ATP8A2: variants seen among roughly 807,000 people sequenced by gnomAD.
ATP8A2 encodes phospholipid-transporting ATPase IB.
In ATP8A2, 100 loss-of-function variants were observed where a neutral mutation model predicts 165.6. That is an observed-to-expected ratio of 0.60 (90% CI 0.51 to 0.71). The LOEUF is 0.71. Ranked by LOEUF, ATP8A2 falls within the 30% of genes least tolerant of loss-of-function variation. The pLI is 0.00. For synonymous variants in ATP8A2, 543 were observed against 548.8 expected (o/e 0.99, Z 0.15); for missense variants, 1,227 against 1,479.5 (o/e 0.83, Z 2.80).
At chr13:25,430,469 G>A (rs1379174595) in intron 1 of ATP8A2, among the ~76,000 whole-genome samples, 6 of 152,262 alleles carry the variant, frequency 3.9e-5, no homozygotes, top group Middle Eastern at 6.8e-3. Context: ...CATTGACCTC[G>A]GCAGAGCAAT....
chr13:25,575,354 T>A (rs2039587599), intron 19 of ATP8A2, among the ~76,000 whole-genome samples: 1 of 152,250 alleles, frequency 6.6e-6, no homozygotes, highest in Admixed American at 6.5e-5. Context: ...TCTTCCCCAG[T>A]ACAATTTTAA....
intron 24 of ATP8A2, among the ~76,000 whole-genome samples, chr13:25,662,350 C>T (rs892416084): frequency 6.6e-6 from 1 of 152,106 alleles, no homozygotes; most frequent in African/African-American, 2.4e-5. Context: ...TGATAATTTC[C>T]CCATTTTTAA....
chr13:25,740,780 A>G (rs1050138062), intron 25 of ATP8A2, among the ~76,000 whole-genome samples: 1 of 152,252 alleles, frequency 6.6e-6, no homozygotes, highest in Non-Finnish European at 1.5e-5. Context: ...CCTAGCATGT[A>G]AATGAATATT....
chr13:25,982,877 G>A (rs1235434391), intron 35 of ATP8A2, among the ~76,000 whole-genome samples: 3 of 152,132 alleles, frequency 2.0e-5, no homozygotes, highest in Non-Finnish European at 4.4e-5. Flanking sequence ...CCTCATCTAT[G>A]TGCCTCAGAT....
intron 2 of ATP8A2, among the ~76,000 whole-genome samples, chr13:25,493,991 G>A (rs2036599859): frequency 6.6e-6 from 1 of 152,138 alleles, no homozygotes; most frequent in South Asian, 2.1e-4. Flanking sequence ...GGGTGTCAAG[G>A]TGAATCACGT....
intron 1 of ATP8A2, among the ~76,000 whole-genome samples, chr13:25,456,834 TC>T (rs2035375894): frequency 6.6e-6 from 1 of 152,186 alleles, no homozygotes; most frequent in Admixed American, 6.5e-5. Context: ...TTTGCCTGCC[TC>T]CTTGACTTAC....
chr13:25,385,940 A>G (rs182634417), intron 1 of ATP8A2, among the ~76,000 whole-genome samples: 39 of 146,636 alleles, frequency 2.7e-4, no homozygotes, highest in African/African-American at 7.1e-4. Flanking sequence ...TTTGTAGACA[A>G]TTTGCTCTGT....
chr13:25,808,133 C>CT (rs529926089), intron 27 of ATP8A2, among the ~76,000 whole-genome samples: 31,034 of 143,434 alleles, frequency 0.22, 3,282 homozygotes, highest in African/African-American at 0.23. Flanking sequence ...CTCCCCAAGA[C>CT]TTTTTTTTTT....
In ATP8A2 at chr13:25,750,762, G is replaced by A. The variant is rs2044137502; in HGVS notation, c.2385-18284G>A. ...TGCGAAGAAAAGTCCTCTTCTGCTC[G>A]ATGTATACAAAACTTCTGTTTTGAA... is the stretch of plus-strand genomic sequence containing the variant. On this transcript the variant is annotated intron_variant, in intron 25 of 36. Coordinates refer to ENST00000381655, the MANE Select transcript of ATP8A2 (RefSeq NM_016529.6). The surrounding 1 kb of genome is among the most constrained non-coding windows in gnomAD (Gnocchi z 4.3). 3.9e-5 allele frequency among the ~76,000 whole-genome samples: 6 copies of A among 152,014 alleles called. No homozygotes were observed. In the South Asian group the frequency reaches 8.3e-4, roughly 21 times the overall value.
chr13:25,606,199 A>G (rs2040512302), intron 24 of ATP8A2, among the ~76,000 whole-genome samples: 1 of 152,246 alleles, frequency 6.6e-6, no homozygotes, highest in African/African-American at 2.4e-5. Context: ...AGATGGCTGC[A>G]TAGCTCATAA....
At chr13:25,706,682 A>G (rs1403863913) in intron 25 of ATP8A2, among the ~76,000 whole-genome samples, 2 of 152,176 alleles carry the variant, frequency 1.3e-5, no homozygotes, top group Non-Finnish European at 2.9e-5. Context: ...AGTTTCATTC[A>G]TGATGTGATT....
chr13:25,420,392 T>C (rs1002761341), intron 1 of ATP8A2, among the ~76,000 whole-genome samples: 4 of 152,248 alleles, frequency 2.6e-5, no homozygotes, highest in Non-Finnish European at 5.9e-5. Context: ...TAGAGCAGAC[T>C]CAAGGCTTTG....
intron 33 of ATP8A2, among the ~76,000 whole-genome samples, chr13:25,939,828 G>A (rs1955019881): frequency 1.3e-5 from 2 of 152,218 alleles, no homozygotes; most frequent in African/African-American, 4.8e-5. Context: ...TCTCTGCCTT[G>A]CAGTTGACGT....
intron 34 of ATP8A2, among the ~76,000 whole-genome samples, chr13:25,963,091 T>C (rs1397048053): frequency 6.6e-6 from 1 of 152,152 alleles, no homozygotes; most frequent in Non-Finnish European, 1.5e-5. Context: ...CTAATAGATG[T>C]ACCATAAGAA....
intron 24 of ATP8A2, among the ~76,000 whole-genome samples, chr13:25,663,493 C>G (rs567547367): frequency 2.0e-5 from 3 of 152,136 alleles, no homozygotes; most frequent in Non-Finnish European, 2.9e-5. Context: ...AATATTCACA[C>G]GGCCTCATCA....
chr13:25,482,920 C>T (rs1445321318), intron 2 of ATP8A2, among the ~76,000 whole-genome samples: 1 of 152,174 alleles, frequency 6.6e-6, no homozygotes, highest in Non-Finnish European at 1.5e-5. Flanking sequence ...TTGTAAATTG[C>T]CCAGTCTGGG....
intron 26 of ATP8A2, among the ~76,000 whole-genome samples, chr13:25,771,628 C>T (rs1227733512): frequency 3.3e-5 from 5 of 152,172 alleles, no homozygotes; most frequent in Admixed American, 2.0e-4. Flanking sequence ...GGCTTTAAAA[C>T]GCCATTGGGG....
chr13:25,700,558 G>A (rs189382137), intron 25 of ATP8A2, among the ~76,000 whole-genome samples: 3 of 152,172 alleles, frequency 2.0e-5, no homozygotes, highest in Admixed American at 6.5e-5. Flanking sequence ...TTATGGCTGA[G>A]TAATATTCCA....
In ATP8A2 at chr13:25,977,561, C is replaced by A. The variant is rs114478039; in HGVS notation, c.3377+8882C>A. ...ACACCTCATTAGCATTTAGTTAATG[C>A]CTAAGCTGCCTGTGTCAACTAAAAA... On this transcript the variant is annotated intron_variant, in intron 35 of 36. Coordinates refer to ENST00000381655, the MANE Select transcript of ATP8A2 (RefSeq NM_016529.6). Among the ~76,000 whole-genome samples the A allele has an allele frequency of 4.0e-4, 61 of 152,286 alleles. 1 individual carries two copies. The highest frequency in any genetic ancestry group is 1.4e-3 in the African/African-American group (57 of 41,564).
Sources: gnomAD v4.1 joint callset for allele counts (sites outside exome capture counted in the v4.1 genomes callset) on GRCh38, gnomAD v4.1.1 for gene constraint, Gnocchi (gnomAD v3.1) non-coding constraint, MANE v1.5 for transcripts, NCBI Gene and HGNC (gene_info 2026-07-23, HGNC 2026-07-21) for gene names.